SORCS3: variants seen among roughly 807,000 people sequenced by gnomAD.
SORCS3 encodes VPS10 domain-containing receptor SorCS3.
Under a neutral mutation model 146.3 loss-of-function variants are expected in SORCS3, and 57 were observed. The observed-to-expected ratio is 0.39, with a 90% confidence interval of 0.31 to 0.49. SORCS3 has a LOEUF of 0.49. Among genes scored for constraint, SORCS3 ranks in the 20% least tolerant of loss-of-function variants. SORCS3 has a pLI of 0.92. For synonymous variants in SORCS3, 653 were observed against 618.5 expected, an observed-to-expected ratio of 1.06 and a Z score of -0.83; for missense variants, 1,341 against 1,575.5, an observed-to-expected ratio of 0.85 and a Z score of 2.52.
chr10:104,998,855 G>A (rs556262222), intron 4 of SORCS3, among the ~76,000 whole-genome samples: 39 of 152,242 alleles, frequency 2.6e-4, no homozygotes, highest in African/African-American at 9.1e-4. Context: ...TAAGTCACAA[G>A]CTGGGGTTCG....
chr10:104,761,839 C>T (rs920321511), intron 1 of SORCS3, among the ~76,000 whole-genome samples: 1 of 152,164 alleles, frequency 6.6e-6, no homozygotes, highest in Admixed American at 6.5e-5. Flanking sequence ...GAAGCACTTT[C>T]AGGGTTGGGG....
intron 3 of SORCS3, among the ~76,000 whole-genome samples, chr10:104,936,555 G>T (rs909568376): frequency 3.3e-5 from 5 of 152,188 alleles, no homozygotes; most frequent in African/African-American, 1.2e-4. Flanking sequence ...TAATCAGTTC[G>T]ATTTGGGCAT....
intron 3 of SORCS3, among the ~76,000 whole-genome samples, chr10:104,967,432 G>A (rs904138451): frequency 2.0e-5 from 3 of 152,078 alleles, no homozygotes; most frequent in Admixed American, 6.5e-5. Context: ...GTACAATAGA[G>A]TGTTAACTAT....
chr10:105,046,967 TTC>T (rs1274127992), intron 5 of SORCS3, among the ~76,000 whole-genome samples: 1 of 152,072 alleles, frequency 6.6e-6, no homozygotes, highest in African/African-American at 2.4e-5. Context: ...CCTTAACATA[TTC>T]CCTTCATTCT....
intron 7 of SORCS3, among the ~76,000 whole-genome samples, chr10:105,124,985 A>G (rs1201486767): frequency 2.6e-5 from 4 of 152,216 alleles, no homozygotes; most frequent in African/African-American, 7.2e-5. Flanking sequence ...TCAGGAAGAA[A>G]TGATCAAAGT....
chr10:105,072,247 TC>T (rs1232378004), intron 5 of SORCS3, among the ~76,000 whole-genome samples: 1 of 152,164 alleles, frequency 6.6e-6, no homozygotes, highest in Non-Finnish European at 1.5e-5. Flanking sequence ...GACTCTGGGC[TC>T]TGAGCAACTT....
At chr10:104,955,188 C>A (rs1249069103) in intron 3 of SORCS3, among the ~76,000 whole-genome samples, 1 of 151,662 alleles carries the variant, frequency 6.6e-6, no homozygotes, top group Non-Finnish European at 1.5e-5. Flanking sequence ...CCCCTATATC[C>A]CTAGTCTCTG....
chr10:104,679,995 C>T (rs776188458), intron 1 of SORCS3, among the ~76,000 whole-genome samples: 9 of 152,118 alleles, frequency 5.9e-5, no homozygotes, highest in South Asian at 2.1e-4. Context: ...CATGGGAGGC[C>T]GATAGGAAAC....
chr10:104,830,264 A>G (rs2017985668), intron 1 of SORCS3, among the ~76,000 whole-genome samples: 2 of 152,188 alleles, frequency 1.3e-5, no homozygotes, highest in African/African-American at 2.4e-5. Context: ...AGTATTTCTA[A>G]AAGAAGAGAT....
intron 5 of SORCS3, among the ~76,000 whole-genome samples, chr10:105,061,861 A>G (rs549114080): frequency 1.3e-5 from 2 of 152,050 alleles, no homozygotes; most frequent in Non-Finnish European, 2.9e-5. Flanking sequence ...ATATCTCCAC[A>G]GTGACTGGCC....
intron 4 of SORCS3, among the ~76,000 whole-genome samples, chr10:105,033,898 A>C (rs2055287243): frequency 6.6e-6 from 1 of 152,180 alleles, no homozygotes; most frequent in Non-Finnish European, 1.5e-5. Context: ...AAATTCGGAA[A>C]AGGAAGGAGG....
chr10:105,166,458 G>A (rs1447345327), intron 12 of SORCS3, among the ~76,000 whole-genome samples: 1 of 152,154 alleles, frequency 6.6e-6, no homozygotes, highest in Non-Finnish European at 1.5e-5. Context: ...AGATATAAAA[G>A]TCATATCTGG....
chr10:104,971,661 G>A (rs1465636082), intron 3 of SORCS3, among the ~76,000 whole-genome samples: 1 of 152,142 alleles, frequency 6.6e-6, no homozygotes, highest in Non-Finnish European at 1.5e-5. Flanking sequence ...TCCCAAGGCG[G>A]TGATGATTTT....
chr10:104,988,247 C>T (rs2054973708), intron 4 of SORCS3, among the ~76,000 whole-genome samples: 2 of 152,172 alleles, frequency 1.3e-5, no homozygotes, highest in African/African-American at 4.8e-5. Context: ...TTTCCCTTGC[C>T]TTAAGACAGA....
intron 20 of SORCS3, among the ~76,000 whole-genome samples, chr10:105,243,515 T>C (rs1372241168): frequency 2.0e-5 from 3 of 152,146 alleles, no homozygotes; most frequent in African/African-American, 7.2e-5. Flanking sequence ...CTATTGACCC[T>C]TTGGATTTTA....
At chr10:104,895,747 C>A (rs1326383409) in intron 2 of SORCS3, among the ~76,000 whole-genome samples, 1 of 152,192 alleles carries the variant, frequency 6.6e-6, no homozygotes, top group Non-Finnish European at 1.5e-5. Flanking sequence ...TACACGCTTA[C>A]ATGTATGATG....
intron 4 of SORCS3, among the ~76,000 whole-genome samples, chr10:105,016,134 A>ATATATATATATATATAT (rs2055164499): frequency 8.8e-6 from 1 of 113,676 alleles, no homozygotes; most frequent in Non-Finnish European, 1.7e-5. Flanking sequence ...ATATTATATA[A>ATATATATATATATATAT]ATATATATAT....
chr10:104,781,451 A>G (rs2017373115), intron 1 of SORCS3, among the ~76,000 whole-genome samples: 1 of 152,206 alleles, frequency 6.6e-6, no homozygotes, highest in African/African-American at 2.4e-5. Context: ...GGTTGAGTGC[A>G]TGAGGTAGGT....
intron 1 of SORCS3, among the ~76,000 whole-genome samples, chr10:104,840,262 G>A (rs575533538): frequency 1.3e-5 from 2 of 152,184 alleles, no homozygotes; most frequent in South Asian, 2.1e-4. Flanking sequence ...TCTGCAGAAC[G>A]CCTGCGTCTT....
Sources: allele counts gnomAD v4.1 joint callset (sites outside exome capture counted in the v4.1 genomes callset), GRCh38; gene constraint gnomAD v4.1.1; transcripts MANE v1.5; gene names NCBI Gene and HGNC (gene_info 2026-07-23, HGNC 2026-07-21).